Variants in RAB5A observed in about 807,000 individuals in gnomAD.
RAB5A encodes ras-related protein Rab-5A.
In RAB5A, 8 loss-of-function variants were observed where a neutral mutation model predicts 25.7. The ratio of observed to expected loss-of-function variants is 0.31; its 90% confidence interval spans 0.18 to 0.56. The LOEUF is 0.56. Among genes scored for constraint, RAB5A ranks in the 20% least tolerant of loss-of-function variants. RAB5A has a pLI of 0.91. For synonymous variants in RAB5A, 98 were observed against 89.8 expected, an observed-to-expected ratio of 1.09 and a Z score of -0.52; for missense variants, 192 against 259.7, an observed-to-expected ratio of 0.74 and a Z score of 1.79.
At chr3:19,962,185 C>T (rs1696595656) in intron 2 of RAB5A, among the ~76,000 whole-genome samples, 1 of 152,186 alleles carries the variant, frequency 6.6e-6, no homozygotes, top group South Asian at 2.1e-4. Flanking sequence ...CTATTCTAGT[C>T]ACAGGCCTGT....
chr3:19,950,979 A>T lies in RAB5A; in HGVS notation c.81A>T (p.Gly27=). The T allele has an allele frequency of 6.2e-7, 1 of 1,614,156 alleles. No individual in the cohort carries two copies. The highest frequency in any genetic ancestry group is 8.5e-7 in the Non-Finnish European group (1 of 1,179,990). ...KICQFKLVLL[G]ESAVGKSSLV... is the part of the protein sequence containing the mutation. ...GCCAGTTCAAACTAGTACTTCTGGG[A>T]GAGTCCGCTGTTGGCAAATCAAGCC... Residue 27 remains glycine (G), a synonymous_variant, in exon 2 of 6, where the codon GGA becomes GGT. Coordinates refer to ENST00000273047, the MANE Select transcript of RAB5A (RefSeq NM_004162.5).
At chr3:19,966,777 T>C (rs77148806) in intron 2 of RAB5A, among the ~76,000 whole-genome samples, 2 of 152,322 alleles carry the variant, frequency 1.3e-5, no homozygotes, top group East Asian at 3.9e-4. Flanking sequence ...TGAACATCTT[T>C]CCATGTGCTT....
chr3:19,951,701 G>GTTTTTTTTTTTTCT (rs1553638045), intron 2 of RAB5A, among the ~76,000 whole-genome samples: 1 of 99,014 alleles, frequency 1.0e-5, no homozygotes, highest in African/African-American at 4.1e-5. Flanking sequence ...TGCCAGGCAA[G>GTTTTTTTTTTTTCT]TTTTTTTTTT....
At chr3:19,960,715 T>C (rs920163385) in intron 2 of RAB5A, among the ~76,000 whole-genome samples, 3 of 152,234 alleles carry the variant, frequency 2.0e-5, no homozygotes, top group African/African-American at 4.8e-5. Flanking sequence ...TATGTTGGAC[T>C]TTGAAAATAA....
intron 2 of RAB5A, among the ~76,000 whole-genome samples, chr3:19,971,838 G>GT (rs1696756934): frequency 6.6e-6 from 1 of 152,116 alleles, no homozygotes; most frequent in Non-Finnish European, 1.5e-5. Flanking sequence ...TACAACTTGA[G>GT]TAGATACCTT....
intron 1 of RAB5A, among the ~76,000 whole-genome samples, chr3:19,948,758 T>A (rs1696374915): frequency 6.6e-6 from 1 of 152,066 alleles, no homozygotes; most frequent in South Asian, 2.1e-4. Context: ...TTTTTTTTAA[T>A]GGGAGTCTGA....
intron 2 of RAB5A, among the ~76,000 whole-genome samples, chr3:19,967,506 A>G (rs1216602414): frequency 6.6e-6 from 1 of 152,158 alleles, no homozygotes. Flanking sequence ...CCTTACATTA[A>G]TATGTTCTAG....
chr3:19,947,669 A>G (rs1696342155), intron 1 of RAB5A, 148 bp downstream of exon 1: 1 of 152,462 alleles, frequency 6.6e-6, no homozygotes, highest in Non-Finnish European at 1.5e-5. Flanking sequence ...AGAACTATCG[A>G]ACCCGGCGTC....
intron 5 of RAB5A, among the ~76,000 whole-genome samples, chr3:19,979,086 C>T (rs1034766365): frequency 6.6e-6 from 1 of 151,994 alleles, no homozygotes. Flanking sequence ...AAGCGGTTCT[C>T]CTGCTTCTGC....
intron 2 of RAB5A, among the ~76,000 whole-genome samples, chr3:19,959,271 T>C (rs1696549719): frequency 6.6e-6 from 1 of 152,150 alleles, no homozygotes; most frequent in Admixed American, 6.5e-5. Flanking sequence ...AAATCATCTC[T>C]GATGATTCTA....
chr3:19,983,363 A>AAG (rs57790992), intron 5 of RAB5A, among the ~76,000 whole-genome samples: 1 of 150,778 alleles, frequency 6.6e-6, no homozygotes, highest in African/African-American at 2.4e-5. Context: ...AAAAAAAAAA[A>AAG]GAAGTAATAA....
At chr3:19,977,809 G>C in intron 4 of RAB5A, among the ~76,000 whole-genome samples, 1 of 152,200 alleles carries the variant, frequency 6.6e-6, no homozygotes, top group East Asian at 1.9e-4. Flanking sequence ...ATGTAGGGCA[G>C]TGATGTAATT....
In RAB5A at chr3:19,975,604, C is replaced by CT; in HGVS notation, c.171dup (p.Leu58SerfsTer8). ...TATTGTAGTCCTTTTCTTTCAGCTG[C>CT]TTTTCTAACCCAAACTGTATGTCTT... On this transcript the variant is annotated frameshift_variant, in exon 3 of 6. Coordinates refer to ENST00000273047, the MANE Select transcript of RAB5A (RefSeq NM_004162.5). LOFTEE classifies it high-confidence loss of function. 1 of 1,607,514 alleles carries CT rather than the reference C, an allele frequency of 6.2e-7. No homozygotes were observed. The highest frequency in any genetic ancestry group is 8.5e-7 in the Non-Finnish European group (1 of 1,178,362).
At chr3:19,954,960 G>A (rs1696478449) in intron 2 of RAB5A, among the ~76,000 whole-genome samples, 2 of 152,178 alleles carry the variant, frequency 1.3e-5, no homozygotes, top group Admixed American at 1.3e-4. Context: ...AAGTTTGCAT[G>A]ACATTTATGT....
chr3:19,964,712 C>T (rs1412771095), intron 2 of RAB5A, among the ~76,000 whole-genome samples: 1 of 152,142 alleles, frequency 6.6e-6, no homozygotes, highest in Non-Finnish European at 1.5e-5. Flanking sequence ...CTCCCTGGTT[C>T]AAACGATTCT....
intron 2 of RAB5A, among the ~76,000 whole-genome samples, chr3:19,959,995 A>G (rs545936972): frequency 3.2e-4 from 48 of 152,272 alleles, no homozygotes; most frequent in African/African-American, 1.1e-3. Context: ...CATGAAAGAC[A>G]CTTGGTTTTG....
chr3:19,948,758 T>G (rs1696374915), intron 1 of RAB5A, among the ~76,000 whole-genome samples: 1 of 151,948 alleles, frequency 6.6e-6, no homozygotes, highest in Admixed American at 6.6e-5. Flanking sequence ...TTTTTTTTAA[T>G]GGGAGTCTGA....
intron 2 of RAB5A, among the ~76,000 whole-genome samples, chr3:19,971,690 G>A (rs1239509864): frequency 6.6e-6 from 1 of 152,076 alleles, no homozygotes; most frequent in Non-Finnish European, 1.5e-5. Context: ...GGTCAGGCTG[G>A]TCTCAAACTC....
At chr3:19,956,601 A>T (rs1696506332) in intron 2 of RAB5A, among the ~76,000 whole-genome samples, 1 of 152,236 alleles carries the variant, frequency 6.6e-6, no homozygotes, top group Admixed American at 6.5e-5. Context: ...AGTTACTGTT[A>T]AAATGAAGAA....
Sources: gnomAD v4.1 joint callset for allele counts (sites outside exome capture counted in the v4.1 genomes callset) on GRCh38, gnomAD v4.1.1 for gene constraint, MANE v1.5 for transcripts, NCBI Gene and HGNC (gene_info 2026-07-23, HGNC 2026-07-21) for gene names.